Variants in PKM observed in about 807,000 individuals in gnomAD.
PKM encodes pyruvate kinase PKM.
Under a neutral mutation model 49.8 loss-of-function variants are expected in PKM, and 18 were observed. The observed-to-expected ratio is 0.36, with a 90% CI of 0.25 to 0.54. The LOEUF (loss-of-function observed/expected upper bound fraction) is 0.54, where lower values mean the gene tolerates loss of function less well. Among genes scored for constraint, PKM ranks in the 20% least tolerant of loss-of-function variants. The pLI, the probability that PKM is intolerant of heterozygous loss-of-function variation, is 0.89. For synonymous variants in PKM, 239 were observed against 261.8 expected (o/e 0.91, Z 0.84); for missense variants, 508 against 713.8 (o/e 0.71, Z 3.28).
At position 72,210,497 on chromosome 15, in the gene PKM, G is replaced by T; in HGVS notation, c.247-19C>A. 1.2e-6 allele frequency: 2 copies of T among 1,613,998 alleles called. No individual in the cohort carries two copies. Among genetic ancestry groups the T allele is most frequent in the Non-Finnish European group, 1.7e-6 (2 of 1,179,942 alleles). ...CATGGTACTGGGGGAAAAGAAGGAA[G>T]ATGACAAGCGTGCTCCCACACTAGA... On this transcript the variant is annotated intron_variant, in intron 3 of 10. Coordinates refer to ENST00000335181, the MANE Select transcript of PKM (RefSeq NM_002654.6).
rs2081963453 is a variant in PKM at position 72,202,279 on chromosome 15, T to C, written c.1307+175A>G. 1.5e-6 allele frequency: 1 copy of C among 666,462 alleles called. No homozygotes were observed. 41.3% of individuals were successfully genotyped at this position (666,462 alleles called of 1,614,324 possible). On this transcript the variant is annotated intron_variant, in intron 9 of 10. Coordinates refer to ENST00000335181, the MANE Select transcript of PKM (RefSeq NM_002654.6). This position sits in a 1 kb window ranked among gnomAD's most constrained non-coding sequence, Gnocchi z 4.5. ...CCTTATGAGTGCTACCTAGAGTCCT[T>C]TGGGCCCAGGGAAGGGGCTCTGCTC...
intron 4 of PKM, 176 bp from the exon 5 acceptor site, chr15:72,210,035 A>G (rs2082209057): frequency 1.5e-6 from 1 of 673,772 alleles, no homozygotes; most frequent in African/African-American, 1.8e-5. Context: ...TAATCCAAGA[A>G]AAGAATATGT....
In PKM at chr15:72,200,564, G is replaced by C; in HGVS notation, c.1399C>G (p.Arg467Gly). 2 of 1,613,914 alleles carry C rather than the reference G, an allele frequency of 1.2e-6. No homozygotes were observed. Among genetic ancestry groups the C allele is most frequent in the Non-Finnish European group, 1.7e-6 (2 of 1,179,870 alleles). The change falls in exon 10 of 11, where the codon CGT becomes GGT. Residue 467 changes from arginine to glycine, a missense_variant. Transcript: ENST00000335181. The surrounding 1 kb of genome is among the most constrained non-coding windows in gnomAD (Gnocchi z 4.6). ...PQTARQAHLYRGIFPVLCKDP... is the reference protein window; with the variant it reads ...PQTARQAHLYGGIFPVLCKDP... ...TTGCACAGCACAGGGAAGATGCCAC[G>C]GTACAGGTGGGCCTGACGAGCTGTC...
At chr15:72,227,784 G>C (rs1419538842) in intron 1 of PKM, among the ~76,000 whole-genome samples, 1 of 66,664 alleles carries the variant, frequency 1.5e-5, no homozygotes, top group African/African-American at 4.6e-5. Flanking sequence ...ACAAAAAACT[G>C]AAGCAAAATA....
rs2082446307 is a variant in PKM, at chr15:72,218,933, C to T, written c.154+11G>A. 6.2e-7 allele frequency: 1 copy of T among 1,614,052 alleles called. No homozygotes were observed. The highest frequency in any genetic ancestry group is 8.5e-7 in the Non-Finnish European group (1 of 1,179,972). On this transcript the variant is annotated intron_variant, in intron 2 of 10. Coordinates refer to ENST00000335181, the MANE Select transcript of PKM (RefSeq NM_002654.6). ...AAGCCCTTTTTTGGGGGAAGGGGCA[C>T]ACCCACTCACCAATGGTACAGATGA... is the stretch of plus-strand genomic sequence containing the variant.
chr15:72,212,121 G>A (rs2082268602), intron 3 of PKM, among the ~76,000 whole-genome samples: 1 of 152,050 alleles, frequency 6.6e-6, no homozygotes. Context: ...TTTTTTATAG[G>A]GTTCCTTATA....
At chr15:72,203,104 T>C (rs2081986151) in intron 8 of PKM, 10 of 1,613,792 alleles carry the variant, frequency 6.2e-6, no homozygotes, top group Non-Finnish European at 8.5e-6. Flanking sequence ...ATGGCTTCCA[T>C]GAGGTCTGTG....
chr15:72,225,509 T>G (rs1481965258), intron 1 of PKM, among the ~76,000 whole-genome samples: 1 of 152,160 alleles, frequency 6.6e-6, no homozygotes, highest in Non-Finnish European at 1.5e-5. Flanking sequence ...ACCCAATCAC[T>G]GTCATGAACT....
At chr15:72,221,958 C>T (rs907080075) in intron 1 of PKM, among the ~76,000 whole-genome samples, 1 of 151,646 alleles carries the variant, frequency 6.6e-6, no homozygotes, top group Non-Finnish European at 1.5e-5. Flanking sequence ...CAGGATAATC[C>T]CATGCCTCAA....
rs767402285 is a variant in PKM at position 72,207,247 on chromosome 15, C to G, written c.867G>C (p.Gly289=). 1.1e-5 allele frequency: 18 copies of G among 1,614,028 alleles called. No homozygotes were observed. The highest frequency in any genetic ancestry group is 1.0e-5 in the Non-Finnish European group (12 of 1,179,994). ...CTAGATCACCACGAGCCACCATGAT[C>G]CCATCACTGGCCTCCAGGATTTCAT... ...RFDEILEASD[G]IMVARGDLGI... Residue 289 remains glycine (G), a synonymous_variant, in exon 7 of 11, where the codon GGG becomes GGC. Transcript: ENST00000335181.
At chr15:72,219,234 G>T in intron 1 of PKM, 124 bp from the exon 2 acceptor site, 1 of 848,894 alleles carries the variant, frequency 1.2e-6, no homozygotes, top group Non-Finnish European at 1.9e-6. Context: ...ACAAGCCACA[G>T]GGAAGCCAGA....
At chr15:72,204,139 G>C (rs1037810563) in intron 8 of PKM, 8 of 152,198 alleles carry the variant, frequency 5.3e-5, no homozygotes, top group Non-Finnish European at 1.0e-4. Flanking sequence ...GAGGACAGGG[G>C]ACATGAACAG....
chr15:72,224,321 T>C (rs1352773543), intron 1 of PKM, among the ~76,000 whole-genome samples: 1 of 152,102 alleles, frequency 6.6e-6, no homozygotes, highest in Non-Finnish European at 1.5e-5. Context: ...AGGGTCCTCT[T>C]AAGTGCAACT....
At chr15:72,208,034 G>A (rs1334861343) in intron 6 of PKM, among the ~76,000 whole-genome samples, 2 of 152,236 alleles carry the variant, frequency 1.3e-5, no homozygotes, top group Non-Finnish European at 2.9e-5. Context: ...TGGGGAGGGG[G>A]TAAGCTAAGT....
At chr15:72,207,639 G>C (rs938401374) in intron 6 of PKM, among the ~76,000 whole-genome samples, 1 of 152,248 alleles carries the variant, frequency 6.6e-6, no homozygotes, top group Non-Finnish European at 1.5e-5. Flanking sequence ...CAGGGAACCT[G>C]AGGCCTGATG....
chr15:72,215,731 A>G (rs967180119), intron 3 of PKM, among the ~76,000 whole-genome samples: 6 of 152,190 alleles, frequency 3.9e-5, no homozygotes, highest in Non-Finnish European at 7.3e-5. Flanking sequence ...TTAAAGGTCA[A>G]CTTCTTAAAA....
In PKM at chr15:72,199,454, C is replaced by T. The variant is rs2081875876; in HGVS notation, c.*196G>A. On this transcript the variant is annotated 3_prime_UTR_variant, in exon 11 of 11. Coordinates refer to ENST00000335181, the MANE Select transcript of PKM (RefSeq NM_002654.6). ...TGGGTGGGGCCACATGATGGGCAGCCAGGCTCTGGGCTGTCCCACTAGAGC... is the reference window on the plus strand; with the variant it reads ...TGGGTGGGGCCACATGATGGGCAGCTAGGCTCTGGGCTGTCCCACTAGAGC... 1.4e-6 allele frequency: 1 copy of T among 699,602 alleles called. No homozygotes were observed. Among genetic ancestry groups the T allele is most frequent in the African/African-American group, 1.7e-5 (1 of 57,150 alleles). 43.3% of individuals were successfully genotyped at this position (699,602 alleles called of 1,614,324 possible). A position where few individuals can be genotyped will look rare whatever the true frequency, so the allele number is the denominator to read the frequency against.
At chr15:72,228,650 CCA>C in intron 1 of PKM, 1 of 1,284,902 alleles carries the variant, frequency 7.8e-7, no homozygotes. Flanking sequence ...CCCCACTCCC[CCA>C]CAGATTTGGT....
rs772116077 is a variant in PKM at position 72,209,736 on chromosome 15, C to G, written c.502G>C (p.Val168Leu). ...WLDYKNICKVVEVGSKIYVDD... is the reference protein window; with the variant it reads ...WLDYKNICKVLEVGSKIYVDD... Reference sequence around the variant, plus strand: ...ACGTAGATCTTGCTGCCCACTTCCACCACCTTGCAGATGTTCTTGTAGTCC... The same window carrying G: ...ACGTAGATCTTGCTGCCCACTTCCAGCACCTTGCAGATGTTCTTGTAGTCC... Residue 168 changes from valine (V) to leucine (L), a missense_variant, in exon 5 of 11, where the codon GTG becomes CTG. Physicochemically the swap from Val to Leu is conservative, Grantham distance 32. Transcript: ENST00000335181. 1 of 1,614,084 alleles carries G rather than the reference C, an allele frequency of 6.2e-7. No individual in the cohort carries two copies. The highest frequency in any genetic ancestry group is 1.7e-5 in the Admixed American group (1 of 60,012).
Sources: allele counts gnomAD v4.1 joint callset (sites outside exome capture counted in the v4.1 genomes callset), GRCh38; gene constraint gnomAD v4.1.1; non-coding constraint Gnocchi (gnomAD v3.1); transcripts MANE v1.5; gene names NCBI Gene and HGNC (gene_info 2026-07-23, HGNC 2026-07-21).